C8orf34: variants seen among roughly 807,000 people sequenced by gnomAD.
C8orf34 encodes the protein uncharacterized protein C8orf34.
In C8orf34, 65 loss-of-function variants were observed where a neutral mutation model predicts 68.3. That is an observed-to-expected ratio of 0.95 (90% CI 0.78 to 1.17). C8orf34 has a LOEUF of 1.17. Among genes scored for constraint, C8orf34 ranks in the 50% most tolerant of loss-of-function variants. The pLI is 0.00. For synonymous variants in C8orf34, 244 were observed against 241.2 expected, an observed-to-expected ratio of 1.01 and a Z score of -0.11; for missense variants, 664 against 655.4, an observed-to-expected ratio of 1.01 and a Z score of -0.14.
chr8:68,589,092 G>A (rs535637656), intron 7 of C8orf34, among the ~76,000 whole-genome samples: 1 of 152,206 alleles, frequency 6.6e-6, no homozygotes, highest in South Asian at 2.1e-4. Flanking sequence ...ACAGCAAACG[G>A]CCAGGCACAA....
At chr8:68,405,195 T>C (rs1160110835) in intron 1 of C8orf34, among the ~76,000 whole-genome samples, 2 of 152,128 alleles carry the variant, frequency 1.3e-5, no homozygotes, top group East Asian at 3.9e-4. Flanking sequence ...CTGATATCAA[T>C]GTTAGCTTAG....
intron 1 of C8orf34, among the ~76,000 whole-genome samples, chr8:68,354,757 T>C (rs937489746): frequency 1.3e-5 from 2 of 152,140 alleles, no homozygotes; most frequent in Non-Finnish European, 2.9e-5. Flanking sequence ...TATTTGGTCA[T>C]ACATTATATC....
At position 68,780,114 on chromosome 8, in the gene C8orf34, A is replaced by C. The variant is rs369516626; in HGVS notation, c.1455+3665A>C. Among the ~76,000 whole-genome samples the C allele has an allele frequency of 5.9e-5, 9 of 152,316 alleles. No individual in the cohort carries two copies. In the South Asian group the frequency reaches 1.2e-3, roughly 21 times the overall value. On this transcript the variant is annotated intron_variant, in intron 11 of 13. Coordinates refer to ENST00000518698, the MANE Select transcript of C8orf34 (RefSeq NM_052958.4). The stretch of plus-strand genomic sequence containing the variant: ...GGAAAAATTGGCAAATTTAATCACT[A>C]TCCATAGGATAACACTCTATCGCAT...
intron 7 of C8orf34, among the ~76,000 whole-genome samples, chr8:68,586,132 G>A (rs1817203959): frequency 6.6e-6 from 1 of 152,074 alleles, no homozygotes. Context: ...GGAAGATATA[G>A]TCTACATCTG....
At chr8:68,426,490 G>A (rs1424711638) in intron 1 of C8orf34, among the ~76,000 whole-genome samples, 1 of 119,020 alleles carries the variant, frequency 8.4e-6, no homozygotes, top group East Asian at 2.8e-4. Flanking sequence ...CTGCACTCCA[G>A]TCTGAGTGAC....
chr8:68,745,576 G>A (rs1297859704), intron 10 of C8orf34, among the ~76,000 whole-genome samples: 4 of 152,094 alleles, frequency 2.6e-5, no homozygotes, highest in African/African-American at 9.7e-5. Context: ...AAAGGCAGGG[G>A]TTGCAATCCT....
At chr8:68,765,800 A>G (rs1024781247) in intron 10 of C8orf34, among the ~76,000 whole-genome samples, 2 of 152,212 alleles carry the variant, frequency 1.3e-5, no homozygotes, top group African/African-American at 4.8e-5. Flanking sequence ...TAATTAATTA[A>G]AAAATAGAAA....
intron 1 of C8orf34, among the ~76,000 whole-genome samples, chr8:68,401,456 T>G (rs1345761527): frequency 6.6e-6 from 1 of 152,118 alleles, no homozygotes; most frequent in Non-Finnish European, 1.5e-5. Flanking sequence ...CTTATTCTAA[T>G]TCATAGAGAG....
At chr8:68,806,291 C>T (rs1824481834) in intron 12 of C8orf34, among the ~76,000 whole-genome samples, 3 of 151,388 alleles carry the variant, frequency 2.0e-5, no homozygotes, top group Admixed American at 1.3e-4. Flanking sequence ...CTCTGAAATT[C>T]CATATTGGAT....
chr8:68,515,301 C>G (rs1240032752), intron 5 of C8orf34, among the ~76,000 whole-genome samples: 1 of 151,602 alleles, frequency 6.6e-6, no homozygotes, highest in Admixed American at 6.6e-5. Context: ...TGCCTACAGC[C>G]CTCCCTTTTT....
chr8:68,448,900 A>T (rs1042458750), intron 3 of C8orf34, among the ~76,000 whole-genome samples: 1 of 152,116 alleles, frequency 6.6e-6, no homozygotes, highest in African/African-American at 2.4e-5. Flanking sequence ...GGATATTACC[A>T]GAGATAAAGA....
At position 68,653,281 on chromosome 8, in the gene C8orf34, A is replaced by G. The variant is rs147473457; in HGVS notation, c.1241+12770A>G. 7.2e-4 allele frequency among the ~76,000 whole-genome samples: 109 copies of G among 152,312 alleles called. 2 individuals are homozygous for G. The East Asian group carries it at 0.018, about 25-fold the overall frequency. Reference sequence around the variant, plus strand: ...TTTTTAGATTACATTGATTTCACCAATGATTTGTAGCCAAGGTTACTCGTT... The same window carrying G: ...TTTTTAGATTACATTGATTTCACCAGTGATTTGTAGCCAAGGTTACTCGTT... On this transcript the variant is annotated intron_variant, in intron 8 of 13. Transcript: ENST00000518698.
At chr8:68,394,961 G>A (rs1447018307) in intron 1 of C8orf34, among the ~76,000 whole-genome samples, 1 of 152,006 alleles carries the variant, frequency 6.6e-6, no homozygotes, top group Non-Finnish European at 1.5e-5. Context: ...ACTGTTCAAT[G>A]TTTGCAGTTT....
Position 68,764,767 on chromosome 8 carries a change from T to A in C8orf34, c.1405-11632T>A, listed in dbSNP as rs529574710. On this transcript the variant is annotated intron_variant, in intron 10 of 13. Coordinates refer to ENST00000518698, the MANE Select transcript of C8orf34 (RefSeq NM_052958.4). Reference sequence around the variant, plus strand: ...TCCTGAGATGGAGATGAATAGATAGTCGGGAACAAGGACTTGCTAAGGATG... The same window carrying A: ...TCCTGAGATGGAGATGAATAGATAGACGGGAACAAGGACTTGCTAAGGATG... Among the ~76,000 whole-genome samples, 3 of 152,266 alleles carry A rather than the reference T, an allele frequency of 2.0e-5. No individual in the cohort carries two copies. The East Asian group carries it at 5.8e-4, about 29-fold the overall frequency.
At chr8:68,795,456 T>C (rs1824152771) in intron 12 of C8orf34, among the ~76,000 whole-genome samples, 1 of 152,168 alleles carries the variant, frequency 6.6e-6, no homozygotes, top group South Asian at 2.1e-4. Flanking sequence ...CTTCAGACCC[T>C]TTCTCCTAGG....
chr8:68,409,742 C>T (rs954669470), intron 1 of C8orf34, among the ~76,000 whole-genome samples: 6 of 152,176 alleles, frequency 3.9e-5, no homozygotes, highest in African/African-American at 9.6e-5. Context: ...CACATTCACT[C>T]GCCACTCACT....
intron 7 of C8orf34, among the ~76,000 whole-genome samples, chr8:68,590,110 G>T (rs1009217713): frequency 6.9e-6 from 1 of 143,922 alleles, no homozygotes; most frequent in Admixed American, 7.3e-5. Context: ...AGAAGAAAAA[G>T]AAAAGAGAAA....
At chr8:68,350,802 AT>A (rs1220592491) in intron 1 of C8orf34, among the ~76,000 whole-genome samples, 1 of 151,842 alleles carries the variant, frequency 6.6e-6, no homozygotes, top group East Asian at 1.9e-4. Flanking sequence ...TCTGTTTTCC[AT>A]TTGCTTGGTA....
At chr8:68,631,351 C>A (rs1214260597) in intron 7 of C8orf34, among the ~76,000 whole-genome samples, 2 of 152,114 alleles carry the variant, frequency 1.3e-5, no homozygotes, top group Non-Finnish European at 2.9e-5. Flanking sequence ...AGTGATCCTC[C>A]CACCTTGACC....
Sources: allele counts gnomAD v4.1 joint callset (sites outside exome capture counted in the v4.1 genomes callset), GRCh38; gene constraint gnomAD v4.1.1; transcripts MANE v1.5; gene names NCBI Gene and HGNC (gene_info 2026-07-23, HGNC 2026-07-21).